TBC1D1: variants seen among roughly 807,000 people sequenced by gnomAD.
TBC1D1 encodes TBC1 domain family member 1, also known as TBC1 (tre-2/USP6, BUB2, cdc16) domain family, member 1.
In TBC1D1, 89 loss-of-function variants were observed where a neutral mutation model predicts 125.6. That is an observed-to-expected ratio of 0.71 (90% CI 0.60 to 0.85). TBC1D1 has a LOEUF of 0.85. TBC1D1 is among the 40% of genes least tolerant of loss of function. The pLI is 0.00. For missense variants in TBC1D1, 1,377 were observed against 1,469.2 expected, an observed-to-expected ratio of 0.94 and a Z score of 1.03; for synonymous variants, 565 against 564.1, an observed-to-expected ratio of 1.00 and a Z score of -0.02.
chr4:38,063,972 A>T (rs968225512), intron 12 of TBC1D1, among the ~76,000 whole-genome samples: 1 of 152,186 alleles, frequency 6.6e-6, no homozygotes, highest in African/African-American at 2.4e-5. Flanking sequence ...AAAAACCTGT[A>T]GTTGTCACTT....
chr4:38,007,765 A>G (rs979564435), intron 2 of TBC1D1, among the ~76,000 whole-genome samples: 1 of 152,114 alleles, frequency 6.6e-6, no homozygotes, highest in African/African-American at 2.4e-5. Flanking sequence ...GGATCTGTGC[A>G]GTTTGGCTGC....
intron 18 of TBC1D1, 114 bp downstream of exon 20, chr4:38,125,245 G>T (rs1764458522): frequency 1.0e-5 from 10 of 977,746 alleles, no homozygotes; most frequent in Non-Finnish European, 1.5e-5. Context: ...ACGGCATTCT[G>T]CATGATGCCT....
intron 12 of TBC1D1, among the ~76,000 whole-genome samples, chr4:38,059,198 A>C (rs1181729605): frequency 6.6e-6 from 1 of 152,202 alleles, no homozygotes; most frequent in Non-Finnish European, 1.5e-5. Context: ...AATATTCCCA[A>C]ATCCCAGACT....
chr4:38,090,097 A>C lies in TBC1D1; in HGVS notation c.2216A>C (p.Lys739Thr). The C allele has an allele frequency of 1.9e-6, 3 of 1,614,122 alleles. No homozygotes were observed. Among genetic ancestry groups the C allele is most frequent in the Non-Finnish European group, 2.5e-6 (3 of 1,179,978 alleles). Residue 739 changes from lysine to threonine, a missense_variant, in exon 13 of 20, where the codon AAG becomes ACG. Lys to Thr is a moderately conservative substitution (Grantham distance 78). This residue lies in a region of TBC1D1 where 543 missense variants were observed against 613.5 expected (regional missense o/e 0.89). Transcript: ENST00000261439. ...CAGATACTGCTGCTTAGAATGGAGA[A>C]GGAAAATCAGAAGCTCCAAGGTTGG... is the stretch of plus-strand genomic sequence containing the variant.
intron 15 of TBC1D1, chr4:38,110,708 A>G (rs752485469): frequency 2.8e-5 from 28 of 985,450 alleles, no homozygotes; most frequent in Non-Finnish European, 2.9e-5. Context: ...AGAAAAATGT[A>G]AAGGACCTGC....
At chr4:37,948,220 G>A (rs1478544867) in intron 2 of TBC1D1, among the ~76,000 whole-genome samples, 1 of 152,196 alleles carries the variant, frequency 6.6e-6, no homozygotes, top group East Asian at 1.9e-4. Context: ...GCGGACTGGA[G>A]GGCAGTGGGT....
At chr4:38,059,370 G>A (rs982259786) in intron 12 of TBC1D1, among the ~76,000 whole-genome samples, 3 of 152,178 alleles carry the variant, frequency 2.0e-5, no homozygotes, top group African/African-American at 4.8e-5. Flanking sequence ...GTACTACATT[G>A]AAGGGAAATT....
chr4:37,928,219 A>G lies in TBC1D1; in HGVS notation c.417+25707A>G, dbSNP rs1345835473. On this transcript the variant is annotated intron_variant, in intron 2 of 19. Transcript: ENST00000261439. ...CTAGTTTAAAAGTGTTAGCTATCACATGAAAAATAATATGATTATCTTCTG... is the reference window on the plus strand; with the variant it reads ...CTAGTTTAAAAGTGTTAGCTATCACGTGAAAAATAATATGATTATCTTCTG... Among the ~76,000 whole-genome samples the G allele has an allele frequency of 2.0e-5, 3 of 152,370 alleles. No individual in the cohort carries two copies. The East Asian group carries it at 5.8e-4, about 29-fold the overall frequency.
At chr4:38,072,934 A>G (rs1169747900) in intron 12 of TBC1D1, among the ~76,000 whole-genome samples, 2 of 152,214 alleles carry the variant, frequency 1.3e-5, no homozygotes, top group East Asian at 3.8e-4. Context: ...ACGTTGTAGC[A>G]TATGACAGGA....
intron 11 of TBC1D1, among the ~76,000 whole-genome samples, chr4:38,050,540 A>C (rs1298468322): frequency 6.6e-6 from 1 of 152,214 alleles, no homozygotes. Flanking sequence ...AGTTCCCCCC[A>C]TTCCTTCCAA....
At chr4:37,954,825 A>C (rs1215641969) in intron 2 of TBC1D1, among the ~76,000 whole-genome samples, 1 of 47,070 alleles carries the variant, frequency 2.1e-5, no homozygotes, top group Non-Finnish European at 3.4e-5. Context: ...AGCTGACATG[A>C]AAAAAAAAAA....
At chr4:37,951,896 G>C in intron 2 of TBC1D1, 1 of 699,412 alleles carries the variant, frequency 1.4e-6, no homozygotes, top group Non-Finnish European at 2.7e-6. Context: ...ATGGAGTTCA[G>C]GTGATAATGG....
At chr4:38,100,300 C>T (rs1189050261) in intron 14 of TBC1D1, among the ~76,000 whole-genome samples, 1 of 152,236 alleles carries the variant, frequency 6.6e-6, no homozygotes, top group Non-Finnish European at 1.5e-5. Flanking sequence ...GAGGCCATAG[C>T]TCCAAAACCA....
At chr4:38,010,349 T>C (rs951380541) in intron 2 of TBC1D1, among the ~76,000 whole-genome samples, 4 of 152,114 alleles carry the variant, frequency 2.6e-5, no homozygotes, top group African/African-American at 9.7e-5. Flanking sequence ...GTCCCCATCT[T>C]CTCTGCCTGC....
intron 12 of TBC1D1, among the ~76,000 whole-genome samples, chr4:38,075,159 A>G (rs1419182991): frequency 6.6e-6 from 1 of 152,234 alleles, no homozygotes; most frequent in Non-Finnish European, 1.5e-5. Context: ...TACCACAAAA[A>G]CAGTTTTCAA....
chr4:38,096,928 A>C (rs997881146), intron 14 of TBC1D1, among the ~76,000 whole-genome samples: 1 of 152,204 alleles, frequency 6.6e-6, no homozygotes, highest in Non-Finnish European at 1.5e-5. Context: ...GAGAACCGCT[A>C]TTTTGAAGCT....
intron 2 of TBC1D1, chr4:37,996,109 T>C (rs1431078011): frequency 1.4e-5 from 7 of 502,336 alleles, no homozygotes; most frequent in Non-Finnish European, 2.4e-5. Context: ...CAAGAATCTG[T>C]AGAGGAATTC....
intron 2 of TBC1D1, among the ~76,000 whole-genome samples, chr4:37,986,652 G>A (rs1394161062): frequency 6.6e-6 from 1 of 152,044 alleles, no homozygotes; most frequent in Non-Finnish European, 1.5e-5. Flanking sequence ...CGCCATGTTG[G>A]CCAGGTTGGT....
At chr4:37,901,071 C>CAA (rs60371395) in intron 1 of TBC1D1, among the ~76,000 whole-genome samples, 7 of 136,514 alleles carry the variant, frequency 5.1e-5, no homozygotes, top group African/African-American at 1.3e-4. Flanking sequence ...GACTCTGTCT[C>CAA]AAAAAAAAAA....
Sources: gnomAD v4.1 joint callset for allele counts (sites outside exome capture counted in the v4.1 genomes callset) on GRCh38, gnomAD v4.1.1 for gene constraint, gnomAD v4.1.1 regional missense constraint, MANE v1.5 for transcripts, NCBI Gene and HGNC (gene_info 2026-07-23, HGNC 2026-07-21) for gene names.